FANCL: variants seen among roughly 807,000 people sequenced by gnomAD.
FANCL encodes E3 ubiquitin-protein ligase FANCL.
In FANCL, 69 loss-of-function variants were observed where a neutral mutation model predicts 59.4. The ratio of observed to expected loss-of-function variants is 1.16; its 90% CI spans 0.96 to 1.42. FANCL has a LOEUF of 1.42. FANCL is among the 40% of genes most tolerant of loss of function. FANCL has a pLI of 0.00. For synonymous variants in FANCL, 180 were observed against 147.1 expected, an observed-to-expected ratio of 1.22 and a Z score of -1.62; for missense variants, 519 against 447.2, an observed-to-expected ratio of 1.16 and a Z score of -1.45.
At chr2:58,196,175 C>A (rs1162675123) in intron 7 of FANCL, among the ~76,000 whole-genome samples, 1 of 151,884 alleles carries the variant, frequency 6.6e-6, no homozygotes, top group East Asian at 1.9e-4. Flanking sequence ...AAAAAGTATG[C>A]ACGGATGGCC....
At chr2:58,225,718 A>C (rs1000171041) in intron 4 of FANCL, among the ~76,000 whole-genome samples, 2 of 152,038 alleles carry the variant, frequency 1.3e-5, no homozygotes, top group Non-Finnish European at 2.9e-5. Flanking sequence ...AGAAAGTAGA[A>C]TATGTTAAAA....
intron 7 of FANCL, among the ~76,000 whole-genome samples, chr2:58,182,489 T>C (rs1558764462): frequency 6.6e-6 from 1 of 151,876 alleles, no homozygotes; most frequent in African/African-American, 2.4e-5. Flanking sequence ...TTGTTAATGT[T>C]TAAAATAATA....
At chr2:58,224,811 C>A (rs1692827436) in intron 4 of FANCL, among the ~76,000 whole-genome samples, 2 of 151,792 alleles carry the variant, frequency 1.3e-5, no homozygotes, top group South Asian at 2.1e-4. Context: ...AAAAGTGATA[C>A]AAGCAAACAA....
chr2:58,210,651 A>C (rs931017368), intron 5 of FANCL, among the ~76,000 whole-genome samples: 1 of 152,204 alleles, frequency 6.6e-6, no homozygotes, highest in Non-Finnish European at 1.5e-5. Context: ...TCCACCGATG[A>C]GCCTAATAAA....
chr2:58,228,900 AAT>A (rs1573808354), intron 3 of FANCL, among the ~76,000 whole-genome samples: 1 of 152,168 alleles, frequency 6.6e-6, no homozygotes, highest in East Asian at 1.9e-4. Flanking sequence ...ATGCTATTTC[AAT>A]ATGTCAACAG....
intron 5 of FANCL, among the ~76,000 whole-genome samples, chr2:58,204,531 G>A (rs1483014564): frequency 6.6e-6 from 1 of 152,074 alleles, no homozygotes; most frequent in Non-Finnish European, 1.5e-5. Context: ...CACACAGCAT[G>A]TTCCTGTCAG....
intron 5 of FANCL, chr2:58,213,518 T>C (rs1310620398): frequency 2.0e-5 from 3 of 152,220 alleles, no homozygotes; most frequent in Non-Finnish European, 4.4e-5. Context: ...GCTAAAACAT[T>C]CTTTATTTTT....
At chr2:58,241,368 T>C, upstream of FANCL, 3 of 1,559,504 alleles carry the variant, frequency 1.9e-6, no homozygotes, top group Non-Finnish European at 2.6e-6. Context: ...GTCCTGCACA[T>C]GCGCAGTCCG....
intron 5 of FANCL, among the ~76,000 whole-genome samples, chr2:58,221,269 TTA>T (rs897192193): frequency 6.6e-6 from 1 of 151,888 alleles, no homozygotes; most frequent in Non-Finnish European, 1.5e-5. Flanking sequence ...TATAATACAC[TTA>T]ATAATAAATG....
intron 5 of FANCL, among the ~76,000 whole-genome samples, chr2:58,207,376 G>A (rs974770666): frequency 6.6e-6 from 1 of 152,186 alleles, no homozygotes; most frequent in Non-Finnish European, 1.5e-5. Flanking sequence ...AATGTGGCTA[G>A]TGGGTTTTTT....
intron 7 of FANCL, among the ~76,000 whole-genome samples, chr2:58,190,368 T>C (rs978213713): frequency 6.6e-6 from 1 of 151,744 alleles, no homozygotes. Context: ...AATTCCACTT[T>C]TGAAAAGTGA....
At chr2:58,229,204 A>G (rs932778953) in intron 3 of FANCL, among the ~76,000 whole-genome samples, 3 of 152,190 alleles carry the variant, frequency 2.0e-5, no homozygotes, top group African/African-American at 7.2e-5. Flanking sequence ...ATAAAGCATA[A>G]AAAGAAAGGC....
intron 4 of FANCL, among the ~76,000 whole-genome samples, chr2:58,223,800 T>C (rs1692708576): frequency 6.6e-6 from 1 of 151,968 alleles, no homozygotes; most frequent in African/African-American, 2.4e-5. Flanking sequence ...TCCCACTATA[T>C]GCAGTAATTA....
At chr2:58,211,001 A>G (rs1183878911) in intron 5 of FANCL, among the ~76,000 whole-genome samples, 1 of 152,068 alleles carries the variant, frequency 6.6e-6, no homozygotes, top group Non-Finnish European at 1.5e-5. Flanking sequence ...CTGTCAGTGG[A>G]TCTACCATTC....
intron 11 of FANCL, 75 bp downstream of exon 11, chr2:58,162,791 A>C: frequency 1.6e-5 from 21 of 1,311,024 alleles, no homozygotes; most frequent in Non-Finnish European, 2.0e-5. Flanking sequence ...TTTCAGCCTC[A>C]TTTTTCACTG....
chr2:58,235,036 G>A (rs1485629008), intron 1 of FANCL, among the ~76,000 whole-genome samples: 1 of 151,942 alleles, frequency 6.6e-6, no homozygotes, highest in East Asian at 1.9e-4. Flanking sequence ...GTATTTTCAG[G>A]CTGCAAGATA....
intron 1 of FANCL, among the ~76,000 whole-genome samples, chr2:58,239,563 C>G (rs1334650769): frequency 6.6e-6 from 1 of 152,112 alleles, no homozygotes; most frequent in Non-Finnish European, 1.5e-5. Context: ...ATAAAACATA[C>G]AACTGTATCA....
chr2:58,194,123 T>C, intron 7 of FANCL: 1 of 424,998 alleles, frequency 2.4e-6, no homozygotes, highest in South Asian at 1.7e-5. Context: ...ATTTCCATGA[T>C]AAAAAAATAT....
At chr2:58,186,972 G>A (rs1688463234) in intron 7 of FANCL, among the ~76,000 whole-genome samples, 1 of 152,146 alleles carries the variant, frequency 6.6e-6, no homozygotes, top group Admixed American at 6.6e-5. Context: ...TGGTGGGAGT[G>A]TGAACTAGTT....
Sources: gnomAD v4.1 joint callset for allele counts (sites outside exome capture counted in the v4.1 genomes callset) on GRCh38, gnomAD v4.1.1 for gene constraint, MANE v1.5 for transcripts, NCBI Gene and HGNC (gene_info 2026-07-23, HGNC 2026-07-21) for gene names.